SEM1: variants seen among roughly 807,000 people sequenced by gnomAD.
The protein encoded by SEM1 is 26S proteasome complex subunit SEM1.
A neutral mutation model predicts 12.7 loss-of-function variants in SEM1; 3 were observed. That is an observed-to-expected ratio of 0.24 (90% CI 0.11 to 0.61). The LOEUF is 0.61. Among genes scored for constraint, SEM1 ranks in the 20% least tolerant of loss-of-function variants. SEM1 has a pLI of 0.88. For synonymous variants in SEM1, 30 were observed against 27.8 expected (o/e 1.08, Z -0.25); for missense variants, 59 against 81.3 (o/e 0.73, Z 1.06).
At chr7:96,494,632 T>G (rs1803167122) in intron 1 of SEM1, among the ~76,000 whole-genome samples, 1 of 152,002 alleles carries the variant, frequency 6.6e-6, no homozygotes, top group South Asian at 2.1e-4. Context: ...ATCACAACAT[T>G]AACCAATTCA....
At chr7:96,506,445 A>G (rs1403285577) in intron 3 of SEM1, among the ~76,000 whole-genome samples, 1 of 152,126 alleles carries the variant, frequency 6.6e-6, no homozygotes, top group East Asian at 1.9e-4. Flanking sequence ...CTTGGTTATT[A>G]TATATGTCAA....
chr7:96,698,501 T>C (rs1790166754), intron 1 of SEM1, among the ~76,000 whole-genome samples: 1 of 152,120 alleles, frequency 6.6e-6, no homozygotes. Flanking sequence ...CACTTATGAG[T>C]GAGAACATGC....
At chr7:96,663,416 G>A (rs971340790) in intron 2 of SEM1, among the ~76,000 whole-genome samples, 1 of 152,182 alleles carries the variant, frequency 6.6e-6, no homozygotes, top group Non-Finnish European at 1.5e-5. Context: ...AGATTTGCTG[G>A]GGACAGCACC....
intron 2 of SEM1, among the ~76,000 whole-genome samples, chr7:96,556,596 C>T (rs1481119204): frequency 2.0e-5 from 3 of 150,356 alleles, no homozygotes; most frequent in East Asian, 2.0e-4. Context: ...GAGGGTAACC[C>T]GACCTTTCTC....
At chr7:96,588,989 T>G (rs1041036931) in intron 2 of SEM1, among the ~76,000 whole-genome samples, 8 of 152,244 alleles carry the variant, frequency 5.3e-5, no homozygotes, top group Non-Finnish European at 1.2e-4. Context: ...TCAACTGATT[T>G]TGTAACTACA....
intron 2 of SEM1, among the ~76,000 whole-genome samples, chr7:96,662,592 C>T (rs554147953): frequency 3.3e-5 from 5 of 152,198 alleles, no homozygotes; most frequent in East Asian, 1.9e-4. Flanking sequence ...ACCTAGATGA[C>T]GGGTTGATAG....
At chr7:96,626,538 A>T (rs1184501352) in intron 2 of SEM1, among the ~76,000 whole-genome samples, 1 of 152,110 alleles carries the variant, frequency 6.6e-6, no homozygotes, top group Non-Finnish European at 1.5e-5. Context: ...TGTTGAAATG[A>T]TCATATGGGT....
chr7:96,707,782 C>G (rs1006903013), intron 1 of SEM1, among the ~76,000 whole-genome samples: 1 of 152,180 alleles, frequency 6.6e-6, no homozygotes, highest in Non-Finnish European at 1.5e-5. Context: ...AGTGTACCAT[C>G]AGGTACATAG....
At chr7:96,511,523 A>T (rs1422580967) in intron 2 of SEM1, among the ~76,000 whole-genome samples, 37 of 152,120 alleles carry the variant, frequency 2.4e-4, no homozygotes. Context: ...AGGATTAGCA[A>T]ACACACCTAT....
At chr7:96,622,531 A>G, downstream of SEM1, 1 of 733,562 alleles carries the variant, frequency 1.4e-6, no homozygotes, top group East Asian at 2.5e-5. Context: ...CTCATATGGC[A>G]AGGGGCTTGG....
chr7:96,503,949 T>A (rs1803659977), intron 3 of SEM1, among the ~76,000 whole-genome samples: 1 of 152,148 alleles, frequency 6.6e-6, no homozygotes, highest in South Asian at 2.1e-4. Context: ...TGCTCACAGC[T>A]GCTCACTTCC....
At chr7:96,590,566 G>A (rs1806797994) in intron 2 of SEM1, among the ~76,000 whole-genome samples, 7 of 152,160 alleles carry the variant, frequency 4.6e-5, no homozygotes, top group Admixed American at 4.6e-4. Flanking sequence ...ATTTGTAATT[G>A]GGTCATGAAA....
chr7:96,487,109 A>T (rs1427724185), intron 1 of SEM1, among the ~76,000 whole-genome samples: 2 of 150,754 alleles, frequency 1.3e-5, no homozygotes, highest in African/African-American at 5.0e-5. Flanking sequence ...AACCTATTCT[A>T]GATTATAGGG....
At chr7:96,610,467 T>C (rs1018746556) in intron 2 of SEM1, among the ~76,000 whole-genome samples, 3 of 152,108 alleles carry the variant, frequency 2.0e-5, no homozygotes, top group African/African-American at 7.2e-5. Flanking sequence ...AGGTGAATAA[T>C]ATAGACACCA....
intron 2 of SEM1, among the ~76,000 whole-genome samples, chr7:96,641,863 T>A (rs1808622364): frequency 6.6e-6 from 1 of 151,964 alleles, no homozygotes; most frequent in Non-Finnish European, 1.5e-5. Flanking sequence ...CTTTGAAGAT[T>A]TTTTTTCCAA....
chr7:96,671,927 C>T (rs545850422), downstream of SEM1, among the ~76,000 whole-genome samples: 3 of 152,270 alleles, frequency 2.0e-5, no homozygotes, highest in East Asian at 1.9e-4. Context: ...ATGCCCATAT[C>T]GGGATAGGAA....
At chr7:96,532,076 T>G (rs1195271451) in intron 2 of SEM1, among the ~76,000 whole-genome samples, 1 of 152,056 alleles carries the variant, frequency 6.6e-6, no homozygotes, top group East Asian at 1.9e-4. Context: ...CCTCACCCAT[T>G]AGGTTCCGGG....
At chr7:96,557,463 G>T (rs1805549890) in intron 2 of SEM1, among the ~76,000 whole-genome samples, 1 of 108,230 alleles carries the variant, frequency 9.2e-6, no homozygotes. Context: ...TGAGGTGTCA[G>T]TGTGCCCCTG....
At chr7:96,538,791 G>A (rs1804864901) in intron 2 of SEM1, among the ~76,000 whole-genome samples, 2 of 151,740 alleles carry the variant, frequency 1.3e-5, no homozygotes, top group African/African-American at 2.4e-5. Flanking sequence ...GAGGAGACTG[G>A]AATGGGAGAA....
Sources: allele counts gnomAD v4.1 joint callset (sites outside exome capture counted in the v4.1 genomes callset), GRCh38; gene constraint gnomAD v4.1.1; transcripts MANE v1.5; gene names NCBI Gene and HGNC (gene_info 2026-07-23, HGNC 2026-07-21).